Variants in ADCY2 observed in about 807,000 individuals in gnomAD.
ADCY2 encodes adenylate cyclase type 2.
ADCY2 carries 31 observed loss-of-function variants against 125.2 expected under a neutral mutation model. That is an observed-to-expected ratio of 0.25 (90% CI 0.19 to 0.33). The LOEUF is 0.33. ADCY2 is among the 10% of genes least tolerant of loss of function. The pLI is 1.00. For synonymous variants in ADCY2, 512 were observed against 548.4 expected (o/e 0.93, Z 0.93); for missense variants, 904 against 1,418.2 (o/e 0.64, Z 5.82).
At chr5:7,625,069 C>T (rs1738078002) in intron 3 of ADCY2, among the ~76,000 whole-genome samples, 1 of 152,212 alleles carries the variant, frequency 6.6e-6, no homozygotes, top group African/African-American at 2.4e-5. Flanking sequence ...ATATCAATAA[C>T]TTAAAAATAC....
At chr5:7,450,767 A>G (rs60453111) in intron 2 of ADCY2, among the ~76,000 whole-genome samples, 2,818 of 152,288 alleles carry the variant, frequency 0.019, 83 homozygotes, top group African/African-American at 0.064. Flanking sequence ...TTTAAGTTGA[A>G]GCCAATTCTC....
At chr5:7,701,480 G>T (rs1277412560) in intron 7 of ADCY2, among the ~76,000 whole-genome samples, 1 of 152,070 alleles carries the variant, frequency 6.6e-6, no homozygotes, top group Admixed American at 6.6e-5. Context: ...GTTACCCTTT[G>T]AATCATTTTT....
chr5:7,666,742 G>A (rs1277843855), intron 4 of ADCY2, among the ~76,000 whole-genome samples: 5 of 152,192 alleles, frequency 3.3e-5, no homozygotes, highest in Non-Finnish European at 7.3e-5. Flanking sequence ...GGTGCCTACG[G>A]CTCTGTGCTC....
At chr5:7,451,946 C>T (rs543437257) in intron 2 of ADCY2, among the ~76,000 whole-genome samples, 9 of 152,248 alleles carry the variant, frequency 5.9e-5, no homozygotes, top group East Asian at 1.9e-4. Flanking sequence ...GAGTCTTGCT[C>T]TATTGCCCAG....
At chr5:7,533,150 G>T (rs1054506438) in intron 3 of ADCY2, among the ~76,000 whole-genome samples, 1 of 150,270 alleles carries the variant, frequency 6.7e-6, no homozygotes, top group African/African-American at 2.4e-5. Context: ...ATTAAATATT[G>T]TTTTCTATTT....
intron 20 of ADCY2, among the ~76,000 whole-genome samples, chr5:7,791,429 G>A (rs534258312): frequency 1.1e-4 from 17 of 152,218 alleles, no homozygotes; most frequent in South Asian, 6.2e-4. Context: ...TTTCTGTAGC[G>A]GATTTGAAGT....
intron 3 of ADCY2, among the ~76,000 whole-genome samples, chr5:7,564,731 A>C (rs570921249): frequency 6.6e-6 from 1 of 152,290 alleles, no homozygotes; most frequent in East Asian, 1.9e-4. Context: ...CTTTGAGGAA[A>C]GGTACATTAT....
intron 3 of ADCY2, among the ~76,000 whole-genome samples, chr5:7,617,056 G>T (rs1314285610): frequency 1.3e-5 from 2 of 152,170 alleles, no homozygotes; most frequent in Non-Finnish European, 2.9e-5. Context: ...TAGGTCATGA[G>T]GGCTGTGACC....
chr5:7,668,110 A>G (rs1465482905), intron 4 of ADCY2, among the ~76,000 whole-genome samples: 1 of 152,224 alleles, frequency 6.6e-6, no homozygotes, highest in Non-Finnish European at 1.5e-5. Context: ...GTCTGAAACT[A>G]TGGTGGGATG....
In ADCY2 at chr5:7,827,450, C is replaced by A. The variant is rs765614338; in HGVS notation, c.*579C>A. The A allele has an allele frequency of 6.5e-6, 1 of 152,790 alleles. No individual in the cohort carries two copies. The highest frequency in any genetic ancestry group is 1.5e-5 in the Non-Finnish European group (1 of 68,142). 9.5% of individuals were successfully genotyped at this position (152,790 alleles called of 1,614,324 possible). ...AGAATTAGTCCTCACAGCCTAGGAC[C>A]AGTTTTGTATCAAACTCGTCTGATG... is the stretch of plus-strand genomic sequence containing the variant. On this transcript the variant is annotated 3_prime_UTR_variant, in exon 25 of 25. Transcript: ENST00000338316.
At chr5:7,477,042 C>T (rs147908949) in intron 2 of ADCY2, among the ~76,000 whole-genome samples, 25 of 152,176 alleles carry the variant, frequency 1.6e-4, no homozygotes, top group African/African-American at 5.8e-4. Flanking sequence ...TTTAGCTCTG[C>T]GAATACGTTC....
rs777501170 is a variant in ADCY2, at chr5:7,414,553, G to A, written c.211-20G>A. On this transcript the variant is annotated intron_variant, in intron 1 of 24. Coordinates refer to ENST00000338316, the MANE Select transcript of ADCY2 (RefSeq NM_020546.3). ...TGTCTCTAAATGGTAACTTTTCCAT[G>A]TATTTTTTTATCTCCTCAGGAAGTT... 3.2e-6 allele frequency: 5 copies of A among 1,586,968 alleles called. No individual in the cohort carries two copies. The Admixed American group carries it at 7.3e-5, about 23-fold the overall frequency.
In ADCY2 at chr5:7,821,366, C is replaced by A. The variant is rs568168150; in HGVS notation, c.3123+677C>A. Among the ~76,000 whole-genome samples the A allele has an allele frequency of 1.5e-3, 230 of 152,224 alleles. 2 individuals carry two copies. Among genetic ancestry groups the A allele is most frequent in the African/African-American group, 5.1e-3 (211 of 41,534 alleles). ...ACTGAAAAGATAATAGAAAAAAAAT[C>A]TGTTATTAGAACTATGCTGAAACTA... On this transcript the variant is annotated intron_variant, in intron 24 of 24. Coordinates refer to ENST00000338316, the MANE Select transcript of ADCY2 (RefSeq NM_020546.3).
chr5:7,442,843 T>C (rs1741064797), intron 2 of ADCY2, among the ~76,000 whole-genome samples: 2 of 152,066 alleles, frequency 1.3e-5, no homozygotes, highest in South Asian at 4.1e-4. Flanking sequence ...GTGATTAATT[T>C]TTCTGGGGGG....
chr5:7,572,173 G>A (rs1412137149), intron 3 of ADCY2, among the ~76,000 whole-genome samples: 1 of 152,128 alleles, frequency 6.6e-6, no homozygotes, highest in Non-Finnish European at 1.5e-5. Context: ...GGATTGCTGG[G>A]TTAAATGGTA....
intron 3 of ADCY2, among the ~76,000 whole-genome samples, chr5:7,564,113 C>T (rs1735813732): frequency 6.6e-6 from 1 of 152,130 alleles, no homozygotes; most frequent in African/African-American, 2.4e-5. Flanking sequence ...TAAATATATT[C>T]AAGACCTTCT....
chr5:7,654,083 C>G (rs1383175300), intron 4 of ADCY2: 1 of 456,212 alleles, frequency 2.2e-6, no homozygotes, highest in South Asian at 1.5e-5. Flanking sequence ...ATTTACCACC[C>G]TGAGGCTGGG....
At chr5:7,712,073 G>A (rs1285322595) in intron 10 of ADCY2, among the ~76,000 whole-genome samples, 2 of 152,092 alleles carry the variant, frequency 1.3e-5, no homozygotes, top group Non-Finnish European at 2.9e-5. Flanking sequence ...TTTACTGTAT[G>A]GAATGAAACT....
At chr5:7,564,631 G>C (rs1023303927) in intron 3 of ADCY2, among the ~76,000 whole-genome samples, 26 of 152,216 alleles carry the variant, frequency 1.7e-4, no homozygotes, top group African/African-American at 6.0e-4. Flanking sequence ...ATCGCTCTCT[G>C]CTCATAGTTA....
Sources: gnomAD v4.1 joint callset for allele counts (sites outside exome capture counted in the v4.1 genomes callset) on GRCh38, gnomAD v4.1.1 for gene constraint, MANE v1.5 for transcripts, NCBI Gene and HGNC (gene_info 2026-07-23, HGNC 2026-07-21) for gene names.